PDE3A: variants seen among roughly 807,000 people sequenced by gnomAD.
PDE3A encodes phosphodiesterase 3A, also known as cGMP-inhibited 3',5'-cyclic phosphodiesterase 3A.
Under a neutral mutation model 98.3 loss-of-function variants are expected in PDE3A, and 43 were observed. The ratio of observed to expected loss-of-function variants is 0.44; its 90% CI spans 0.34 to 0.56. PDE3A has a LOEUF of 0.56. Ranked by LOEUF, PDE3A falls within the 20% of genes least tolerant of loss-of-function variation. The pLI, the probability that PDE3A is intolerant of heterozygous loss-of-function variation, is 0.01. For missense variants in PDE3A, 1,427 were observed against 1,440.7 expected, an observed-to-expected ratio of 0.99 and a Z score of 0.15; for synonymous variants, 663 against 567.9, an observed-to-expected ratio of 1.17 and a Z score of -2.38.
chr12:20,586,679 T>C (rs961709297), intron 2 of PDE3A, among the ~76,000 whole-genome samples: 2 of 152,208 alleles, frequency 1.3e-5, no homozygotes, highest in African/African-American at 4.8e-5. Flanking sequence ...TAAAGGTTAT[T>C]GTTAATATTA....
At chr12:20,462,609 T>G (rs1030280580) in intron 1 of PDE3A, among the ~76,000 whole-genome samples, 1 of 152,314 alleles carries the variant, frequency 6.6e-6, no homozygotes, top group South Asian at 2.1e-4. Context: ...TAATTCTGAT[T>G]TGTTTGCTCT....
chr12:20,527,813 T>C (rs1946552551), intron 1 of PDE3A, among the ~76,000 whole-genome samples: 2 of 151,926 alleles, frequency 1.3e-5, no homozygotes, highest in Non-Finnish European at 2.9e-5. Context: ...AAAACTTTTT[T>C]CCCCCCATTA....
intron 2 of PDE3A, among the ~76,000 whole-genome samples, chr12:20,598,733 G>A (rs2121401079): frequency 6.6e-6 from 1 of 152,214 alleles, no homozygotes; most frequent in East Asian, 1.9e-4. Context: ...ACTGTAGACA[G>A]AGTAAAGAAG....
chr12:20,402,647 A>G (rs1944154017), intron 1 of PDE3A, among the ~76,000 whole-genome samples: 1 of 152,218 alleles, frequency 6.6e-6, no homozygotes, highest in African/African-American at 2.4e-5. Context: ...ATATAAATTT[A>G]TTGGTATTAT....
chr12:20,646,067 A>G (rs1944768643), intron 10 of PDE3A, among the ~76,000 whole-genome samples: 7 of 152,328 alleles, frequency 4.6e-5, no homozygotes, highest in Admixed American at 3.3e-4. Flanking sequence ...TTTGAGTACC[A>G]TCTATCAGAG....
At position 20,688,273 on chromosome 12, in the gene PDE3A, A is replaced by G. The variant is rs1020878264; in HGVS notation, c.*8002A>G. On this transcript the variant is annotated 3_prime_UTR_variant, in exon 16 of 16. Transcript: ENST00000359062. ...CCTATATCTTCCATTTAATATATGT[A>G]GCAATACTTAGTATCATCCCATCAC... Among the ~76,000 whole-genome samples, 70 of 152,166 alleles carry G rather than the reference A, an allele frequency of 4.6e-4. No individual in the cohort carries two copies. Among genetic ancestry groups the G allele is most frequent in the African/African-American group, 1.6e-3 (68 of 41,570 alleles).
At chr12:20,591,672 G>A (rs1943342418) in intron 2 of PDE3A, among the ~76,000 whole-genome samples, 1 of 152,174 alleles carries the variant, frequency 6.6e-6, no homozygotes, top group Non-Finnish European at 1.5e-5. Context: ...CTGGTAGAGA[G>A]GTGTTATTCT....
At chr12:20,510,616 T>C (rs143412875) in intron 1 of PDE3A, among the ~76,000 whole-genome samples, 230 of 152,092 alleles carry the variant, frequency 1.5e-3, no homozygotes, top group African/African-American at 5.1e-3. Flanking sequence ...GATGAAACTA[T>C]ATATTGGAAA....
intron 1 of PDE3A, among the ~76,000 whole-genome samples, chr12:20,536,738 C>T (rs1197419699): frequency 6.6e-6 from 1 of 151,962 alleles, no homozygotes; most frequent in African/African-American, 2.4e-5. Flanking sequence ...TTTTTGTTGC[C>T]AAATAATATT....
chr12:20,635,484 A>G (rs953011870), intron 8 of PDE3A, among the ~76,000 whole-genome samples: 1 of 151,920 alleles, frequency 6.6e-6, no homozygotes, highest in Non-Finnish European at 1.5e-5. Context: ...AGGCTGAGGC[A>G]GTAGAATCGC....
intron 1 of PDE3A, among the ~76,000 whole-genome samples, chr12:20,402,988 G>A (rs1448450647): frequency 6.6e-6 from 1 of 152,142 alleles, no homozygotes; most frequent in Non-Finnish European, 1.5e-5. Context: ...CATAAGAATA[G>A]AGAAATAATA....
At chr12:20,616,117 A>G in intron 3 of PDE3A, 113 bp from the exon 4 acceptor site, 1 of 917,434 alleles carries the variant, frequency 1.1e-6, no homozygotes, top group South Asian at 2.0e-5. Context: ...ATATTAAACC[A>G]ATGTAATTTA....
chr12:20,461,883 G>A (rs1257405266), intron 1 of PDE3A, among the ~76,000 whole-genome samples: 3 of 152,146 alleles, frequency 2.0e-5, no homozygotes, highest in East Asian at 1.9e-4. Flanking sequence ...TCTCTGCAGT[G>A]TATCAGAATA....
chr12:20,379,425 C>T (rs1205269225), intron 1 of PDE3A, among the ~76,000 whole-genome samples: 1 of 151,700 alleles, frequency 6.6e-6, no homozygotes, highest in Non-Finnish European at 1.5e-5. Context: ...AGAGAGCCTG[C>T]TGAACTGCTT....
chr12:20,665,591 A>AT lies in PDE3A; in HGVS notation c.3184+11394dup, dbSNP rs1041048266. On this transcript the variant is annotated intron_variant, in intron 15 of 15. Coordinates refer to ENST00000359062, the MANE Select transcript of PDE3A (RefSeq NM_000921.5). ...ATATATGAAAATAAGATTTGAGTTT[A>AT]TTTTTTTTAAGTAGGGTACTCATTT... Among the ~76,000 whole-genome samples the AT allele has an allele frequency of 4.6e-5, 7 of 152,066 alleles. No homozygotes were observed. The East Asian group carries it at 1.4e-3, about 29-fold the overall frequency.
intron 1 of PDE3A, among the ~76,000 whole-genome samples, chr12:20,380,581 T>A (rs1328243211): frequency 2.0e-5 from 3 of 151,836 alleles, no homozygotes; most frequent in Non-Finnish European, 4.4e-5. Context: ...ACATATCTTT[T>A]GAGTATGTTA....
At chr12:20,645,002 C>T (rs548291069) in intron 10 of PDE3A, among the ~76,000 whole-genome samples, 1 of 151,880 alleles carries the variant, frequency 6.6e-6, no homozygotes, top group East Asian at 1.9e-4. Flanking sequence ...GATTCTCCTG[C>T]CTCAGCCTCC....
At chr12:20,442,011 C>A (rs1392268747) in intron 1 of PDE3A, among the ~76,000 whole-genome samples, 1 of 152,168 alleles carries the variant, frequency 6.6e-6, no homozygotes, top group African/African-American at 2.4e-5. Context: ...AGTGCCTCCT[C>A]CTGGATGACC....
intron 2 of PDE3A, chr12:20,571,835 T>C: frequency 6.8e-6 from 6 of 879,386 alleles, no homozygotes; most frequent in Non-Finnish European, 8.2e-6. Context: ...CCCACTAGAC[T>C]AAAGCTTCTA....
Sources: allele counts gnomAD v4.1 joint callset (sites outside exome capture counted in the v4.1 genomes callset), GRCh38; gene constraint gnomAD v4.1.1; transcripts MANE v1.5; gene names NCBI Gene and HGNC (gene_info 2026-07-23, HGNC 2026-07-21).